Variants in CDK17 observed in about 807,000 individuals in gnomAD.
The protein encoded by CDK17 is cyclin dependent kinase 17.
In CDK17, 24 loss-of-function variants were observed where a neutral mutation model predicts 77.6. The ratio of observed to expected loss-of-function variants is 0.31; its 90% CI spans 0.22 to 0.44. The LOEUF is 0.44. Ranked by LOEUF, CDK17 falls within the 20% of genes least tolerant of loss-of-function variation. The pLI is 1.00. For synonymous variants in CDK17, 203 were observed against 210.4 expected, an observed-to-expected ratio of 0.96 and a Z score of 0.30; for missense variants, 429 against 622.5, an observed-to-expected ratio of 0.69 and a Z score of 3.31.
chr12:96,336,055 T>C (rs1953036543), intron 1 of CDK17, among the ~76,000 whole-genome samples: 1 of 152,222 alleles, frequency 6.6e-6, no homozygotes, highest in Admixed American at 6.5e-5. Flanking sequence ...GAACAGGTAA[T>C]CTATGCATAT....
At chr12:96,308,229 T>TAAAAAAAAAAAAAAAAAAAAAAAA (rs61572243) in intron 5 of CDK17, among the ~76,000 whole-genome samples, 4 of 63,754 alleles carry the variant, frequency 6.3e-5, no homozygotes, top group African/African-American at 1.7e-4. Flanking sequence ...ATGCCATCTC[T>TAAAAAAAAAAAAAAAAAAAAAAAA]AAAAAAAAAA....
intron 2 of CDK17, among the ~76,000 whole-genome samples, chr12:96,334,004 G>T (rs1445496019): frequency 6.6e-6 from 1 of 152,178 alleles, no homozygotes; most frequent in African/African-American, 2.4e-5. Context: ...GTGCATTCTA[G>T]TGGAAGGGGT....
intron 1 of CDK17, among the ~76,000 whole-genome samples, chr12:96,355,439 C>T (rs1355333556): frequency 2.6e-5 from 3 of 115,656 alleles, no homozygotes; most frequent in Non-Finnish European, 1.6e-5. Flanking sequence ...GAGTCTCACT[C>T]TGTTGTGCAG....
intron 1 of CDK17, among the ~76,000 whole-genome samples, chr12:96,395,026 C>T (rs557789450): frequency 1.3e-5 from 2 of 151,954 alleles, no homozygotes; most frequent in Non-Finnish European, 2.9e-5. Flanking sequence ...CAGGCATGCA[C>T]CACCGTGCCC....
intron 1 of CDK17, among the ~76,000 whole-genome samples, chr12:96,389,380 T>C (rs1038749640): frequency 6.6e-6 from 1 of 152,186 alleles, no homozygotes; most frequent in Non-Finnish European, 1.5e-5. Flanking sequence ...CTAAACTTTA[T>C]ACAATAGAAA....
At chr12:96,315,764 C>A (rs1371224032) in intron 3 of CDK17, among the ~76,000 whole-genome samples, 1 of 152,100 alleles carries the variant, frequency 6.6e-6, no homozygotes, top group Non-Finnish European at 1.5e-5. Flanking sequence ...TTGACTCTAT[C>A]AGTGTCTTAG....
At chr12:96,366,738 G>A (rs1009661379) in intron 1 of CDK17, among the ~76,000 whole-genome samples, 5 of 152,088 alleles carry the variant, frequency 3.3e-5, no homozygotes, top group African/African-American at 1.2e-4. Flanking sequence ...GTCTTATAAG[G>A]ATTTAACCAA....
Position 96,344,086 on chromosome 12 carries a change from T to C in CDK17, c.-29-9221A>G, listed in dbSNP as rs575255852. The stretch of plus-strand genomic sequence containing the variant: ...AAATTCACTAGAGTGGTTCAACAGA[T>C]TTGAACAGGCAGAAAAAATGATTAG... On this transcript the variant is annotated intron_variant, in intron 1 of 16. Transcript: ENST00000261211. Among the ~76,000 whole-genome samples the C allele has an allele frequency of 5.3e-5, 8 of 152,218 alleles. No individual in the cohort carries two copies. The South Asian group carries it at 1.0e-3, about 20-fold the overall frequency.
intron 2 of CDK17, among the ~76,000 whole-genome samples, chr12:96,329,246 C>T (rs993298358): frequency 4.6e-5 from 7 of 151,916 alleles, no homozygotes; most frequent in South Asian, 2.1e-4. Context: ...TAAATAGACA[C>T]GTATTTAATG....
At chr12:96,332,395 G>A (rs1445063464) in intron 2 of CDK17, among the ~76,000 whole-genome samples, 2 of 152,116 alleles carry the variant, frequency 1.3e-5, no homozygotes, top group African/African-American at 4.8e-5. Context: ...TGCTTACATT[G>A]TATGTGAGAA....
intron 1 of CDK17, among the ~76,000 whole-genome samples, chr12:96,339,170 A>G (rs1314902352): frequency 1.3e-5 from 2 of 152,244 alleles, no homozygotes; most frequent in African/African-American, 4.8e-5. Context: ...ATGTTATTAC[A>G]GAATTAATTC....
chr12:96,319,933 T>A (rs1402223939), intron 3 of CDK17, among the ~76,000 whole-genome samples: 1 of 148,422 alleles, frequency 6.7e-6, no homozygotes, highest in Non-Finnish European at 1.5e-5. Flanking sequence ...CAACATAGTG[T>A]TGGAAGTTCT....
rs140547858 is a variant in CDK17, at chr12:96,388,385, A to G, written c.-30+11601T>C. On this transcript the variant is annotated intron_variant, in intron 1 of 16. Transcript: ENST00000261211. ...GACTATTTAGTCTACTGGTATGTCTATATGTGCCACCTCCACCCCCAAACA... is the reference window on the plus strand; with the variant it reads ...GACTATTTAGTCTACTGGTATGTCTGTATGTGCCACCTCCACCCCCAAACA... Among the ~76,000 whole-genome samples, 9 of 152,316 alleles carry G rather than the reference A, an allele frequency of 5.9e-5. No homozygotes were observed. In the East Asian group the frequency reaches 9.6e-4, roughly 16 times the overall value.
At chr12:96,322,011 T>G (rs1253160025) in intron 3 of CDK17, among the ~76,000 whole-genome samples, 1 of 151,954 alleles carries the variant, frequency 6.6e-6, no homozygotes, top group Non-Finnish European at 1.5e-5. Flanking sequence ...GCACAAGGAA[T>G]TGGACGACAA....
chr12:96,335,351 T>C, intron 1 of CDK17: 1 of 238,766 alleles, frequency 4.2e-6, no homozygotes, highest in Non-Finnish European at 8.3e-6. Flanking sequence ...TTTACGCTCT[T>C]ACACAGCCAG....
At chr12:96,346,145 C>T (rs1415247920) in intron 1 of CDK17, among the ~76,000 whole-genome samples, 1 of 151,948 alleles carries the variant, frequency 6.6e-6, no homozygotes, top group African/African-American at 2.4e-5. Context: ...TGGTGAAATC[C>T]CATTTCTACT....
chr12:96,381,542 G>C (rs536986815), intron 1 of CDK17, among the ~76,000 whole-genome samples: 2 of 151,996 alleles, frequency 1.3e-5, no homozygotes, highest in Admixed American at 1.3e-4. Flanking sequence ...GAGCTGAAAG[G>C]ATCATCCGCA....
rs1952143966 is a variant in CDK17, at chr12:96,279,356, T to C, written c.*886A>G. Reference sequence around the variant, plus strand: ...AAAGAAACTATTCCCCAATGAAATATCATCCTTTCTAATAAAATAAATGTA... The same window carrying C: ...AAAGAAACTATTCCCCAATGAAATACCATCCTTTCTAATAAAATAAATGTA... On this transcript the variant is annotated 3_prime_UTR_variant, in exon 17 of 17. Transcript: ENST00000261211. The C allele has an allele frequency of 6.6e-6, 1 of 152,130 alleles. No homozygotes were observed. Among genetic ancestry groups the C allele is most frequent in the Non-Finnish European group, 1.5e-5 (1 of 67,998 alleles). The allele number at this position is 152,130 out of a possible 1,614,324, so 9.4% of individuals were successfully genotyped here. A position where few individuals can be genotyped will look rare whatever the true frequency, so the allele number is the denominator to read the frequency against.
At chr12:96,368,400 T>A (rs1364118942) in intron 1 of CDK17, among the ~76,000 whole-genome samples, 2 of 152,116 alleles carry the variant, frequency 1.3e-5, no homozygotes, top group Non-Finnish European at 2.9e-5. Context: ...GGCTCTTGAT[T>A]TAAATTGTGT....
Sources: allele counts gnomAD v4.1 joint callset (sites outside exome capture counted in the v4.1 genomes callset), GRCh38; gene constraint gnomAD v4.1.1; transcripts MANE v1.5; gene names NCBI Gene and HGNC (gene_info 2026-07-23, HGNC 2026-07-21).